Variants in MARCHF3 observed in about 807,000 individuals in gnomAD.
MARCHF3 encodes membrane associated ring-CH-type finger 3, also known as E3 ubiquitin-protein ligase MARCHF3.
A neutral mutation model predicts 24.2 loss-of-function variants in MARCHF3; 13 were observed. The ratio of observed to expected loss-of-function variants is 0.54; its 90% confidence interval spans 0.35 to 0.85. The LOEUF (loss-of-function observed/expected upper bound fraction) is 0.85. Ranked by LOEUF, MARCHF3 falls within the 40% of genes least tolerant of loss-of-function variation. The pLI is 0.01. For missense variants in MARCHF3, 276 were observed against 325.0 expected (o/e 0.85, Z 1.16); for synonymous variants, 144 against 137.3 (o/e 1.05, Z -0.34).
chr5:126,956,669 A>C (rs1255789175), intron 1 of MARCHF3, among the ~76,000 whole-genome samples: 3 of 149,208 alleles, frequency 2.0e-5, no homozygotes, highest in African/African-American at 5.0e-5. Flanking sequence ...AAAAAAAAAA[A>C]AACCAAAAAA....
rs1754257880 is a variant in MARCHF3 at position 126,905,503 on chromosome 5, T to A, written c.393+9427A>T. Among the ~76,000 whole-genome samples the A allele has an allele frequency of 3.3e-5, 5 of 151,072 alleles. No homozygotes were observed. The South Asian group carries it at 1.0e-3, about 31-fold the overall frequency. On this transcript the variant is annotated intron_variant, in intron 3 of 4. Coordinates refer to ENST00000308660, the MANE Select transcript of MARCHF3 (RefSeq NM_178450.5). The stretch of plus-strand genomic sequence containing the variant: ...TCTTTTATTTCCTTGAGCAGTGGTT[T>A]GTAGTTCTCCTAGAAGAGGTCCTTC...
In MARCHF3 at chr5:127,002,939, G is replaced by T. The variant is rs116258066; in HGVS notation, c.-57+27411C>A. Among the ~76,000 whole-genome samples, 1,516 of 152,272 alleles carry T rather than the reference G, an allele frequency of 1.0e-2. 17 individuals carry two copies. Among genetic ancestry groups the T allele is most frequent in the African/African-American group, 0.035 (1,448 of 41,552 alleles). ...GCTGTTACTACAATAGTGTACGCTG[G>T]CAGGAAACTGCCTGGAGGGAGCAAT... On this transcript the variant is annotated intron_variant, in intron 1 of 4. Transcript: ENST00000308660.
chr5:126,952,817 T>C (rs1195814163), intron 1 of MARCHF3, among the ~76,000 whole-genome samples: 3 of 152,168 alleles, frequency 2.0e-5, no homozygotes, highest in Non-Finnish European at 1.5e-5. Context: ...CTTAGCCATA[T>C]AATTAATTTT....
rs144045337 is a variant in MARCHF3 at position 126,872,776 on chromosome 5, T to A, written c.604-1985A>T. Among the ~76,000 whole-genome samples, 137 of 152,256 alleles carry A rather than the reference T, an allele frequency of 9.0e-4. 2 individuals carry two copies. In the East Asian group the frequency reaches 0.022, roughly 24 times the overall value. Reference sequence around the variant, plus strand: ...GCCGAGTGCCAGAGAGGGTTGAGTATGAAAATATACGCTTTTAAACTCACA... The same window carrying A: ...GCCGAGTGCCAGAGAGGGTTGAGTAAGAAAATATACGCTTTTAAACTCACA... On this transcript the variant is annotated intron_variant, in intron 4 of 4. Coordinates refer to ENST00000308660, the MANE Select transcript of MARCHF3 (RefSeq NM_178450.5).
chr5:126,879,045 T>C (rs183721478), intron 3 of MARCHF3, among the ~76,000 whole-genome samples: 1 of 152,304 alleles, frequency 6.6e-6, no homozygotes, highest in Non-Finnish European at 1.5e-5. Flanking sequence ...CATGCAGATA[T>C]TGCATGTCTG....
intron 1 of MARCHF3, among the ~76,000 whole-genome samples, chr5:126,935,001 C>T (rs1434767034): frequency 6.6e-6 from 1 of 152,172 alleles, no homozygotes; most frequent in Non-Finnish European, 1.5e-5. Context: ...GGTATCATTA[C>T]TTCCATATTC....
intron 1 of MARCHF3, among the ~76,000 whole-genome samples, chr5:127,004,229 C>T (rs1039428943): frequency 1.3e-5 from 2 of 152,130 alleles, no homozygotes; most frequent in Admixed American, 6.5e-5. Flanking sequence ...AATGAATGAT[C>T]TGCTCCCTAT....
intron 3 of MARCHF3, among the ~76,000 whole-genome samples, chr5:126,880,447 T>C (rs1009560737): frequency 6.6e-6 from 1 of 152,240 alleles, no homozygotes; most frequent in African/African-American, 2.4e-5. Flanking sequence ...TGCCATGTGT[T>C]GTCATGCCAC....
At chr5:127,018,471 A>G (rs1304930733) in intron 1 of MARCHF3, among the ~76,000 whole-genome samples, 1 of 152,200 alleles carries the variant, frequency 6.6e-6, no homozygotes, top group African/African-American at 2.4e-5. Flanking sequence ...AATTGGTGGT[A>G]GTGCAGGGGA....
At chr5:126,942,068 C>T (rs1749846975) in intron 1 of MARCHF3, among the ~76,000 whole-genome samples, 1 of 152,168 alleles carries the variant, frequency 6.6e-6, no homozygotes, top group Admixed American at 6.5e-5. Context: ...CCTTCTTGAG[C>T]ACTTTGAGCT....
intron 3 of MARCHF3, among the ~76,000 whole-genome samples, chr5:126,878,690 G>C: frequency 6.6e-6 from 1 of 152,232 alleles, no homozygotes; most frequent in East Asian, 1.9e-4. Flanking sequence ...GTGGAAGGAA[G>C]AGAGAATGTT....
chr5:126,875,571 G>T (rs1045856783), intron 4 of MARCHF3, among the ~76,000 whole-genome samples: 2 of 152,224 alleles, frequency 1.3e-5, no homozygotes, highest in African/African-American at 2.4e-5. Flanking sequence ...TCTGAATTAC[G>T]GCTCTTGCCA....
chr5:127,001,213 G>A (rs1161490128), intron 1 of MARCHF3, among the ~76,000 whole-genome samples: 1 of 151,846 alleles, frequency 6.6e-6, no homozygotes, highest in Admixed American at 6.6e-5. Context: ...ACTCCAGCCT[G>A]GGTGACAGAG....
At chr5:126,955,988 T>C (rs1050100107) in intron 1 of MARCHF3, among the ~76,000 whole-genome samples, 1 of 152,222 alleles carries the variant, frequency 6.6e-6, no homozygotes, top group Non-Finnish European at 1.5e-5. Flanking sequence ...GAGACATTAA[T>C]CTACCTTTCT....
intron 4 of MARCHF3, 144 bp from the exon 5 acceptor site, chr5:126,870,935 C>G: frequency 9.5e-6 from 11 of 1,161,848 alleles, no homozygotes; most frequent in Non-Finnish European, 1.3e-5. Context: ...GAAAATGGCT[C>G]TGGCACGCAG....
At chr5:126,917,846 CTT>C (rs36120055) in intron 2 of MARCHF3, 136 bp downstream of exon 2, 7,456 of 662,848 alleles carry the variant, frequency 0.011, no homozygotes, top group South Asian at 0.025. Flanking sequence ...CTCGTGTAGT[CTT>C]TTTTTTTTTT....
chr5:126,992,065 G>C (rs2126843873), intron 1 of MARCHF3, among the ~76,000 whole-genome samples: 1 of 152,286 alleles, frequency 6.6e-6, no homozygotes, highest in South Asian at 2.1e-4. Flanking sequence ...TGTGGGCTTA[G>C]TTAATGCTGA....
At chr5:126,905,809 C>T (rs2126786002) in intron 3 of MARCHF3, among the ~76,000 whole-genome samples, 1 of 152,108 alleles carries the variant, frequency 6.6e-6, no homozygotes, top group East Asian at 1.9e-4. Flanking sequence ...CCCTTTATTT[C>T]CTTCTCCTGC....
intron 1 of MARCHF3, among the ~76,000 whole-genome samples, chr5:126,978,808 G>A (rs1312181198): frequency 6.6e-6 from 1 of 152,188 alleles, no homozygotes; most frequent in Non-Finnish European, 1.5e-5. Context: ...CCAGCCCAGT[G>A]AGGAACTACA....
Sources: allele counts gnomAD v4.1 joint callset (sites outside exome capture counted in the v4.1 genomes callset), GRCh38; gene constraint gnomAD v4.1.1; transcripts MANE v1.5; gene names NCBI Gene and HGNC (gene_info 2026-07-23, HGNC 2026-07-21).